The following CNTN4 variants were observed in gnomAD, a reference collection of about 807,000 sequenced individuals.
CNTN4 encodes contactin-4.
CNTN4 carries 77 observed loss-of-function variants against 122.5 expected under a neutral mutation model. The observed-to-expected ratio is 0.63, with a 90% CI of 0.52 to 0.76. The LOEUF is 0.76. CNTN4 is among the 30% of genes least tolerant of loss of function. The pLI is 0.00. For synonymous variants in CNTN4, 512 were observed against 447.0 expected, an observed-to-expected ratio of 1.15 and a Z score of -1.83; for missense variants, 1,256 against 1,259.1, an observed-to-expected ratio of 1.00 and a Z score of 0.04.
chr3:3,026,355 A>G, intron 15 of CNTN4, 78 bp downstream of exon 15: 1 of 1,305,438 alleles, frequency 7.7e-7, no homozygotes, highest in Middle Eastern at 1.9e-4. Flanking sequence ...TTACTATTTT[A>G]GAATTTTGTT....
chr3:2,774,635 A>G (rs1043086910), intron 6 of CNTN4, among the ~76,000 whole-genome samples: 1 of 152,166 alleles, frequency 6.6e-6, no homozygotes, highest in East Asian at 1.9e-4. Flanking sequence ...TTGGAACTGC[A>G]TACTAGACCT....
intron 4 of CNTN4, among the ~76,000 whole-genome samples, chr3:2,646,905 G>C (rs1044102844): frequency 6.6e-6 from 1 of 152,098 alleles, no homozygotes; most frequent in African/African-American, 2.4e-5. Context: ...CTCTTAAAAG[G>C]CCCTGTGTCC....
At chr3:2,275,913 C>CT (rs2041487098) in intron 2 of CNTN4, among the ~76,000 whole-genome samples, 1 of 101,704 alleles carries the variant, frequency 9.8e-6, no homozygotes, top group Admixed American at 1.2e-4. Context: ...GAGCCAGACT[C>CT]TGTCTCAAAA....
intron 7 of CNTN4, among the ~76,000 whole-genome samples, chr3:2,822,873 A>G (rs751986898): frequency 4.6e-5 from 7 of 152,222 alleles, no homozygotes; most frequent in Non-Finnish European, 8.8e-5. Flanking sequence ...ATTCCTGACA[A>G]TCTTGATGGT....
At chr3:2,549,218 C>T (rs1444378682) in intron 3 of CNTN4, among the ~76,000 whole-genome samples, 1 of 152,126 alleles carries the variant, frequency 6.6e-6, no homozygotes, top group East Asian at 1.9e-4. Context: ...ATTGCCCTGG[C>T]CAGAACTTCC....
chr3:2,485,084 C>T (rs995873767), intron 3 of CNTN4, among the ~76,000 whole-genome samples: 4 of 152,226 alleles, frequency 2.6e-5, no homozygotes, highest in African/African-American at 9.6e-5. Context: ...CCGGGTCCCC[C>T]AGCAGTGCCG....
intron 2 of CNTN4, among the ~76,000 whole-genome samples, chr3:2,115,338 A>C (rs893839478): frequency 6.6e-6 from 1 of 152,198 alleles, no homozygotes; most frequent in Admixed American, 6.5e-5. Context: ...TTTGTCCTCT[A>C]GTTCTTCCTT....
intron 3 of CNTN4, among the ~76,000 whole-genome samples, chr3:2,356,122 G>GAGAAA (rs2044861435): frequency 1.3e-5 from 2 of 152,128 alleles, no homozygotes; most frequent in Non-Finnish European, 2.9e-5. Flanking sequence ...TATTGGTGGG[G>GAGAAA]AGAACAGTTG....
chr3:2,748,750 C>A (rs1219515345), intron 6 of CNTN4, among the ~76,000 whole-genome samples: 1 of 152,164 alleles, frequency 6.6e-6, no homozygotes, highest in African/African-American at 2.4e-5. Flanking sequence ...CCGTCTGCAT[C>A]GTCTTGAGCC....
intron 2 of CNTN4, among the ~76,000 whole-genome samples, chr3:2,265,764 AT>A (rs34436891): frequency 5.2e-5 from 5 of 95,724 alleles, no homozygotes; most frequent in Admixed American, 1.2e-4. Context: ...ATATATATAT[AT>A]TTTTTTTTGT....
chr3:2,520,462 G>A (rs140993712), intron 3 of CNTN4, among the ~76,000 whole-genome samples: 1,935 of 151,340 alleles, frequency 0.013, 15 homozygotes, highest in Non-Finnish European at 0.017. Flanking sequence ...TAGTAGAGAC[G>A]GGGGTTTCAC....
chr3:2,146,458 C>T (rs373871207), intron 2 of CNTN4, among the ~76,000 whole-genome samples: 13 of 152,060 alleles, frequency 8.5e-5, no homozygotes, highest in East Asian at 5.8e-4. Context: ...ATAAGAAATA[C>T]ATTTTATATT....
intron 2 of CNTN4, among the ~76,000 whole-genome samples, chr3:2,223,925 TTAC>T (rs1341011902): frequency 6.6e-6 from 1 of 151,976 alleles, no homozygotes; most frequent in Non-Finnish European, 1.5e-5. Flanking sequence ...CGTCCTGAGC[TTAC>T]ACAAAGGGAT....
chr3:2,178,353 A>G (rs2036848376), intron 2 of CNTN4, among the ~76,000 whole-genome samples: 1 of 152,110 alleles, frequency 6.6e-6, no homozygotes. Flanking sequence ...TACAGTCAGA[A>G]TATGGAATAG....
At chr3:2,106,878 A>T (rs1352132308) in intron 2 of CNTN4, among the ~76,000 whole-genome samples, 1 of 152,140 alleles carries the variant, frequency 6.6e-6, no homozygotes, top group African/African-American at 2.4e-5. Context: ...TCAGATCATC[A>T]CACTCAAGTT....
rs58111735 is a variant in CNTN4 at position 2,815,873 on chromosome 3, C to CATATATATATATATAT, written c.359-3610_359-3595dup. ...CAATAAGTGGCTAAAGAAACTATGGCATATATATATATATATATGATGGAA... is the reference window on the plus strand; with the variant it reads ...CAATAAGTGGCTAAAGAAACTATGGCATATATATATATATATATATATATATATATATATGATGGAA... On this transcript the variant is annotated intron_variant, in intron 6 of 24. Transcript: ENST00000418658. 1.1e-4 allele frequency among the ~76,000 whole-genome samples: 16 copies of CATATATATATATATAT among 141,280 alleles called. 1 individual carries two copies. The highest frequency in any genetic ancestry group is 3.5e-3 in the Middle Eastern group (1 of 284). 92.7% of individuals were successfully genotyped at this position (141,280 alleles called of 152,430 possible).
At chr3:2,998,087 C>T (rs925576031) in intron 14 of CNTN4, among the ~76,000 whole-genome samples, 1 of 152,106 alleles carries the variant, frequency 6.6e-6, no homozygotes, top group Non-Finnish European at 1.5e-5. Flanking sequence ...ATAAGCCTGG[C>T]CCACATCTCT....
intron 13 of CNTN4, among the ~76,000 whole-genome samples, chr3:2,926,530 A>G (rs2094475100): frequency 6.6e-6 from 1 of 152,206 alleles, no homozygotes; most frequent in Admixed American, 6.5e-5. Context: ...AATCTGTTGC[A>G]AAATGGTAAT....
At chr3:2,974,793 T>C (rs1196723434) in intron 13 of CNTN4, among the ~76,000 whole-genome samples, 2 of 152,218 alleles carry the variant, frequency 1.3e-5, no homozygotes, top group African/African-American at 4.8e-5. Context: ...GATTCCACTT[T>C]CATTTTCTCT....
Sources: gnomAD v4.1 joint callset for allele counts (sites outside exome capture counted in the v4.1 genomes callset) on GRCh38, gnomAD v4.1.1 for gene constraint, MANE v1.5 for transcripts, NCBI Gene and HGNC (gene_info 2026-07-23, HGNC 2026-07-21) for gene names.